Variants in EPG5 observed in about 807,000 individuals in gnomAD.
EPG5 encodes the protein ectopic P granules protein 5 homolog.
A neutral mutation model predicts 302.7 loss-of-function variants in EPG5; 159 were observed. The observed-to-expected ratio is 0.53, with a 90% confidence interval of 0.46 to 0.60. The LOEUF (loss-of-function observed/expected upper bound fraction) is 0.60. Among genes scored for constraint, EPG5 ranks in the 20% least tolerant of loss-of-function variants. The pLI is 0.00. For synonymous variants in EPG5, 1,158 were observed against 1,136.8 expected, an observed-to-expected ratio of 1.02 and a Z score of -0.37; for missense variants, 2,896 against 3,092.4, an observed-to-expected ratio of 0.94 and a Z score of 1.51.
At chr18:45,836,766 A>G in the EPG5 span, among the ~76,000 whole-genome samples, 1 of 152,234 alleles carries the variant, frequency 6.6e-6, no homozygotes, top group Non-Finnish European at 1.5e-5. Flanking sequence ...TTCTAGAGGA[A>G]TCTCATGCAC....
intron 14 of EPG5, among the ~76,000 whole-genome samples, chr18:45,923,713 A>G (rs1373666791): frequency 1.3e-5 from 2 of 152,216 alleles, no homozygotes; most frequent in Non-Finnish European, 2.9e-5. Flanking sequence ...AACCAGGAAG[A>G]TGCTTAATTA....
At position 45,849,090 on chromosome 18, in the gene EPG5, A is replaced by G. The variant is rs2048392211; in HGVS notation, c.*3377T>C. On this transcript the variant is annotated 3_prime_UTR_variant, in exon 44 of 44. Coordinates refer to ENST00000282041, the MANE Select transcript of EPG5 (RefSeq NM_020964.3). ...CAGATGAGACTCGTCTCAAAAAAAA[A>G]AAAAAAAAAAAGACATTGGGGGATT... 1.3e-5 allele frequency: 2 copies of G among 152,126 alleles called. No individual in the cohort carries two copies. 9.4% of individuals were successfully genotyped at this position (152,126 alleles called of 1,614,324 possible).
intron 14 of EPG5, among the ~76,000 whole-genome samples, chr18:45,924,462 C>G (rs2050226139): frequency 6.6e-6 from 1 of 152,194 alleles, no homozygotes; most frequent in Admixed American, 6.5e-5. Flanking sequence ...CTCATCTGCA[C>G]AACAGGTATC....
intron 27 of EPG5, among the ~76,000 whole-genome samples, chr18:45,894,309 A>C (rs557966266): frequency 2.0e-4 from 31 of 152,028 alleles, no homozygotes; most frequent in Admixed American, 3.3e-4. Flanking sequence ...AAAATACAAA[A>C]ATTAGCTGGG....
chr18:45,887,601 T>C (rs1029585080), intron 29 of EPG5, 150 bp downstream of exon 29: 2 of 532,670 alleles, frequency 3.8e-6, no homozygotes, highest in Non-Finnish European at 5.9e-6. Flanking sequence ...AATCATATTT[T>C]GAGAAGCCTA....
At chr18:45,952,830 G>A (rs2050942064) in intron 2 of EPG5, among the ~76,000 whole-genome samples, 187 bp from the exon 3 acceptor site, 2 of 152,114 alleles carry the variant, frequency 1.3e-5, no homozygotes, top group Admixed American at 6.6e-5. Context: ...AGGAACAGAA[G>A]GCCAATCACA....
chr18:45,930,439 T>C (rs968421939), intron 12 of EPG5, among the ~76,000 whole-genome samples: 7 of 152,160 alleles, frequency 4.6e-5, no homozygotes, highest in Admixed American at 2.0e-4. Context: ...GTCTCTCCCT[T>C]ACTGAAACTG....
At position 45,915,630 on chromosome 18, in the gene EPG5, G is replaced by A. The variant is rs1284960872; in HGVS notation, c.3583-9C>T. ...TGGTAACCCAAGGCATTCTACACCG[G>A]GAGATGTGGAGCAGAGAGAGGAGGT... On this transcript the variant is annotated splice_polypyrimidine_tract_variant and intron_variant, in intron 19 of 43. Transcript: ENST00000282041. 3 of 1,601,838 alleles carry A rather than the reference G, an allele frequency of 1.9e-6. No homozygotes were observed. The East Asian group carries it at 6.7e-5, about 36-fold the overall frequency.
intron 2 of EPG5, 37 bp downstream of exon 2, chr18:45,954,357 C>A: frequency 1.3e-6 from 2 of 1,539,060 alleles, no homozygotes; most frequent in Non-Finnish European, 1.8e-6. Flanking sequence ...GGAATAGCAG[C>A]TCCGCTGCAA....
At chr18:45,819,074 G>A in the EPG5 span, among the ~76,000 whole-genome samples, 1,012 of 152,224 alleles carry the variant, frequency 6.6e-3, 1 homozygote, top group Non-Finnish European at 0.012. Flanking sequence ...AAATTTTTAA[G>A]AGGTCAAATT....
At chr18:45,865,593 G>A (rs754242140) in intron 39 of EPG5, 22 bp downstream of exon 39, 2 of 1,612,502 alleles carry the variant, frequency 1.2e-6, no homozygotes, top group African/African-American at 2.7e-5. Flanking sequence ...AATGAATACA[G>A]GACTTCCGAC....
At chr18:45,912,169 C>T in intron 22 of EPG5, 121 bp downstream of exon 22, 1 of 907,300 alleles carries the variant, frequency 1.1e-6, no homozygotes, top group Non-Finnish European at 1.6e-6. Flanking sequence ...AGAAAGAGTC[C>T]TCACCAGAGA....
chr18:45,857,714 C>CT (rs374668557), intron 42 of EPG5, 139 bp downstream of exon 42: 14,695 of 399,172 alleles, frequency 0.037, 10 homozygotes, highest in Middle Eastern at 0.05. Flanking sequence ...TTTTTTTTTT[C>CT]TTTTTTTTTT....
At chr18:45,847,237 C>T (rs1039924925), downstream of EPG5, among the ~76,000 whole-genome samples, 1 of 152,218 alleles carries the variant, frequency 6.6e-6, no homozygotes, top group African/African-American at 2.4e-5. Flanking sequence ...ACTCCCTGGG[C>T]ATCCCACCAC....
chr18:45,958,257 T>C (rs148568069), intron 1 of EPG5, among the ~76,000 whole-genome samples: 30 of 152,318 alleles, frequency 2.0e-4, no homozygotes, highest in Middle Eastern at 6.8e-3. Flanking sequence ...ATTCCTCAAA[T>C]GGACCTACAA....
At chr18:45,868,744 G>A (rs1216492926) in intron 36 of EPG5, among the ~76,000 whole-genome samples, 2 of 151,338 alleles carry the variant, frequency 1.3e-5, no homozygotes, top group African/African-American at 2.4e-5. Flanking sequence ...TTTGATGACT[G>A]CATGTTTAAA....
chr18:45,916,286 C>T, intron 18 of EPG5, 80 bp from the exon 19 acceptor site: 3 of 1,520,504 alleles, frequency 2.0e-6, no homozygotes, highest in Non-Finnish European at 2.7e-6. Flanking sequence ...TGCTATCTAC[C>T]TCCACTACAA....
intron 1 of EPG5, among the ~76,000 whole-genome samples, chr18:45,963,026 A>T (rs1253100174): frequency 6.6e-6 from 1 of 152,198 alleles, no homozygotes; most frequent in Non-Finnish European, 1.5e-5. Context: ...GCTTGGAAAT[A>T]TTCTTCATTA....
At chr18:45,844,220 A>C (rs1191970188), downstream of EPG5, 1 of 152,160 alleles carries the variant, frequency 6.6e-6, no homozygotes, top group Non-Finnish European at 1.5e-5. Context: ...AAAAAGTTGA[A>C]ATTGAACTCA....
Sources: allele counts gnomAD v4.1 joint callset (sites outside exome capture counted in the v4.1 genomes callset), GRCh38; gene constraint gnomAD v4.1.1; transcripts MANE v1.5; gene names NCBI Gene and HGNC (gene_info 2026-07-23, HGNC 2026-07-21).